KCNH8: variants seen among roughly 807,000 people sequenced by gnomAD.
The protein encoded by KCNH8 is potassium voltage-gated channel subfamily H member 8, also known as voltage-gated delayed rectifier potassium channel KCNH8.
KCNH8 carries 70 observed loss-of-function variants against 103.6 expected under a neutral mutation model. The ratio of observed to expected loss-of-function variants is 0.68; its 90% CI spans 0.56 to 0.82. The LOEUF (loss-of-function observed/expected upper bound fraction) is 0.82, where lower values mean the gene tolerates loss of function less well. Ranked by LOEUF, KCNH8 falls within the 40% of genes least tolerant of loss-of-function variation. The probability of loss-of-function intolerance (pLI) is 0.00; values close to 1 mark genes in which losing one functional copy is unlikely to be tolerated. For synonymous variants in KCNH8, 498 were observed against 489.4 expected (o/e 1.02, Z -0.23); for missense variants, 1,217 against 1,329.9 (o/e 0.92, Z 1.32).
At chr3:19,529,044 G>T (rs2069115038) in intron 15 of KCNH8, among the ~76,000 whole-genome samples, 1 of 152,136 alleles carries the variant, frequency 6.6e-6, no homozygotes, top group South Asian at 2.1e-4. Flanking sequence ...AGAGCCCGCA[G>T]TCAGAAGGAA....
rs141370164 is a variant in KCNH8 at position 19,378,991 on chromosome 3, C to T, written c.812-11490C>T. Among the ~76,000 whole-genome samples, 373 of 152,134 alleles carry T rather than the reference C, an allele frequency of 2.5e-3. 1 individual carries two copies. The highest frequency in any genetic ancestry group is 8.7e-3 in the African/African-American group (360 of 41,494). On this transcript the variant is annotated intron_variant, in intron 5 of 15. Coordinates refer to ENST00000328405, the MANE Select transcript of KCNH8 (RefSeq NM_144633.3). ...AGTGAGGTCTATAGGTACACAAGGG[C>T]AAGTAATTTACATGTTCATTAAAGG...
intron 2 of KCNH8, among the ~76,000 whole-genome samples, chr3:19,255,777 T>G (rs544978769): frequency 6.6e-6 from 1 of 152,164 alleles, no homozygotes; most frequent in Admixed American, 6.6e-5. Context: ...TTTTATTTGT[T>G]GTAACAATAT....
At chr3:19,323,930 G>A (rs2065385493) in intron 3 of KCNH8, among the ~76,000 whole-genome samples, 1 of 152,206 alleles carries the variant, frequency 6.6e-6, no homozygotes, top group South Asian at 2.1e-4. Context: ...TGGACCCTGT[G>A]AAGGTTCTTG....
chr3:19,222,438 G>T (rs1575447538), intron 1 of KCNH8, among the ~76,000 whole-genome samples: 1 of 152,144 alleles, frequency 6.6e-6, no homozygotes, highest in Admixed American at 6.5e-5. Flanking sequence ...AGGAAAGATG[G>T]TAATAAAGTG....
chr3:19,485,641 T>C (rs1027170592), intron 11 of KCNH8, among the ~76,000 whole-genome samples: 1 of 152,116 alleles, frequency 6.6e-6, no homozygotes, highest in African/African-American at 2.4e-5. Context: ...ATGGAAAAAG[T>C]CTTTTTCTTC....
chr3:19,168,345 T>C (rs1364179377), intron 1 of KCNH8, among the ~76,000 whole-genome samples: 10 of 152,078 alleles, frequency 6.6e-5, no homozygotes, highest in Non-Finnish European at 1.5e-4. Context: ...CCCACTTCTA[T>C]AATTCTGTCG....
At chr3:19,170,811 T>TATATA (rs1491342985) in intron 1 of KCNH8, among the ~76,000 whole-genome samples, 26 of 74,102 alleles carry the variant, frequency 3.5e-4, no homozygotes, top group South Asian at 8.5e-4. Flanking sequence ...TATATATATA[T>TATATA]TTTTTTTTTT....
chr3:19,503,925 T>G (rs1202945673), intron 11 of KCNH8, among the ~76,000 whole-genome samples: 1 of 150,504 alleles, frequency 6.6e-6, no homozygotes. Context: ...ACTTAAAGTA[T>G]AATAATAATA....
intron 15 of KCNH8, among the ~76,000 whole-genome samples, chr3:19,520,796 T>TG: frequency 6.6e-6 from 1 of 151,926 alleles, no homozygotes; most frequent in Non-Finnish European, 1.5e-5. Context: ...TTGTGTGAGG[T>TG]GTCAGAGCGC....
chr3:19,416,071 G>T (rs2125152153), intron 7 of KCNH8, among the ~76,000 whole-genome samples: 1 of 152,090 alleles, frequency 6.6e-6, no homozygotes, highest in East Asian at 1.9e-4. Flanking sequence ...TATTTTAAGT[G>T]TAAAAATTTT....
intron 3 of KCNH8, among the ~76,000 whole-genome samples, chr3:19,282,255 A>G (rs543886641): frequency 2.6e-4 from 39 of 152,268 alleles, no homozygotes; most frequent in African/African-American, 9.1e-4. Context: ...AAGCCTTGCA[A>G]ATGCATGTCT....
intron 11 of KCNH8, among the ~76,000 whole-genome samples, chr3:19,501,904 T>C (rs1391699295): frequency 6.6e-6 from 1 of 152,210 alleles, no homozygotes; most frequent in Admixed American, 6.5e-5. Context: ...CTATTCAATA[T>C]AGTGTTGGAA....
At chr3:19,456,625 A>G in intron 10 of KCNH8, 143 bp from the exon 11 acceptor site, 1 of 606,424 alleles carries the variant, frequency 1.6e-6, no homozygotes. Context: ...TTGTATGCCA[A>G]AGTTGAAAAG....
chr3:19,434,864 TA>T (rs2067174721), intron 7 of KCNH8, among the ~76,000 whole-genome samples: 8 of 152,166 alleles, frequency 5.3e-5, no homozygotes. Context: ...ATTTTCCCAC[TA>T]AAGTGGGAAG....
intron 3 of KCNH8, among the ~76,000 whole-genome samples, chr3:19,325,136 T>C (rs1203856703): frequency 6.6e-6 from 1 of 152,170 alleles, no homozygotes; most frequent in Non-Finnish European, 1.5e-5. Flanking sequence ...CTGGGATAAC[T>C]GGCTAGCCAT....
chr3:19,170,220 T>G (rs2063327411), intron 1 of KCNH8, among the ~76,000 whole-genome samples: 1 of 152,232 alleles, frequency 6.6e-6, no homozygotes, highest in East Asian at 1.9e-4. Flanking sequence ...CTAAGTAAAT[T>G]TATTGTTTTG....
chr3:19,162,219 G>T (rs548115147), intron 1 of KCNH8, among the ~76,000 whole-genome samples: 5 of 152,062 alleles, frequency 3.3e-5, no homozygotes, highest in African/African-American at 4.8e-5. Flanking sequence ...ACATTGAAAT[G>T]TACTACTGAA....
intron 1 of KCNH8, among the ~76,000 whole-genome samples, chr3:19,150,159 T>C (rs962765895): frequency 6.6e-6 from 1 of 152,198 alleles, no homozygotes; most frequent in Non-Finnish European, 1.5e-5. Context: ...TGAGGTGTAA[T>C]GTTATTACGT....
At chr3:19,178,530 G>C (rs2063421836) in intron 1 of KCNH8, among the ~76,000 whole-genome samples, 1 of 152,074 alleles carries the variant, frequency 6.6e-6, no homozygotes, top group African/African-American at 2.4e-5. Context: ...CAAAAACCTA[G>C]CAGCAAAGAA....
Sources: allele counts gnomAD v4.1 joint callset (sites outside exome capture counted in the v4.1 genomes callset), GRCh38; gene constraint gnomAD v4.1.1; transcripts MANE v1.5; gene names NCBI Gene and HGNC (gene_info 2026-07-23, HGNC 2026-07-21).